The following KLK14 variants were observed in gnomAD, a reference collection of about 807,000 sequenced individuals.
The protein encoded by KLK14 is kallikrein related peptidase 14.
In KLK14, 21 loss-of-function variants were observed where a neutral mutation model predicts 24.6. The ratio of observed to expected loss-of-function variants is 0.85; its 90% CI spans 0.61 to 1.23. KLK14 has a LOEUF of 1.23. Among genes scored for constraint, KLK14 ranks in the 50% most tolerant of loss-of-function variants. The pLI is 0.00. For synonymous variants in KLK14, 133 were observed against 139.7 expected (o/e 0.95, Z 0.34); for missense variants, 320 against 338.9 (o/e 0.94, Z 0.44).
In KLK14 at chr19:51,081,588, G is replaced by A. The variant is rs769513368; in HGVS notation, c.156C>T (p.Cys52=). The part of the protein sequence containing the change: ...LLAGPRRRFL[C]GGALLSGQWV... ...ACTGGCCTGAAAGCAGGGCGCCTCC[G>A]CAGAGGAAGCGGCGCCTGGGACCCG... The change falls in exon 3 of 6, where the codon TGC becomes TGT. Residue 52 remains cysteine, a synonymous_variant. Transcript: ENST00000650543. 10 of 1,549,568 alleles carry A rather than the reference G, an allele frequency of 6.5e-6. No homozygotes were observed. The highest frequency in any genetic ancestry group is 1.4e-5 in the African/African-American group (1 of 72,994).
intron 3 of KLK14, among the ~76,000 whole-genome samples, chr19:51,080,833 C>G (rs1181406913): frequency 6.6e-6 from 1 of 152,202 alleles, no homozygotes; most frequent in Non-Finnish European, 1.5e-5. Flanking sequence ...GCCACCATGC[C>G]TGGCTAATTT....
chr19:51,079,419 C>T (rs929499427), intron 4 of KLK14, 30 bp downstream of exon 4: 8 of 1,580,288 alleles, frequency 5.1e-6, no homozygotes, highest in Non-Finnish European at 6.9e-6. Flanking sequence ...AGGCCCAGTC[C>T]CCTGCTTTCC....
intron 3 of KLK14, among the ~76,000 whole-genome samples, chr19:51,080,483 C>T (rs1379366941): frequency 2.0e-5 from 3 of 152,160 alleles, no homozygotes; most frequent in African/African-American, 7.2e-5. Flanking sequence ...GGTTTGCATT[C>T]TGGCCTTTAT....
chr19:51,083,303 G>C (rs1016780219), upstream of KLK14, among the ~76,000 whole-genome samples: 1 of 150,638 alleles, frequency 6.6e-6, no homozygotes, highest in African/African-American at 2.4e-5. Flanking sequence ...GAGAGAGAGA[G>C]AGAGAGAGAC....
downstream of KLK14, chr19:51,077,544 G>A (rs1308949190): frequency 5.5e-5 from 10 of 182,374 alleles, no homozygotes; most frequent in Non-Finnish European, 4.6e-5. Context: ...GATCAGAGCC[G>A]GAGTAAAGAT....
chr19:51,080,969 G>C (rs901731870), intron 3 of KLK14, among the ~76,000 whole-genome samples: 1 of 152,216 alleles, frequency 6.6e-6, no homozygotes, highest in Non-Finnish European at 1.5e-5. Flanking sequence ...CACCGCACCC[G>C]CCACATTCTG....
upstream of KLK14, among the ~76,000 whole-genome samples, chr19:51,083,484 GA>G (rs1462012127): frequency 1.3e-5 from 2 of 151,922 alleles, no homozygotes; most frequent in African/African-American, 4.8e-5. Context: ...GAGTGACAGA[GA>G]GGGGGAGAGC....
Position 51,078,663 on chromosome 19 carries a change from C to CT in KLK14, c.603+151dup. ...AGTCCATTACCCAGGGGGCACAGGGCTAGGAAGCAGGGTGGCCTGGCTATC... is the reference window on the plus strand; with the variant it reads ...AGTCCATTACCCAGGGGGCACAGGGCTTAGGAAGCAGGGTGGCCTGGCTATC... On this transcript the variant is annotated intron_variant, in intron 5 of 5. Transcript: ENST00000650543. This position sits in a 1 kb window ranked among gnomAD's most constrained non-coding sequence, Gnocchi z 5.0. The CT allele has an allele frequency of 9.8e-7, 1 of 1,019,972 alleles. No homozygotes were observed. Among genetic ancestry groups the CT allele is most frequent in the Non-Finnish European group, 1.4e-6 (1 of 694,996 alleles). 63.2% of individuals were successfully genotyped at this position (1,019,972 alleles called of 1,614,324 possible). A position where few individuals can be genotyped will look rare whatever the true frequency, so the allele number is the denominator to read the frequency against.
chr19:51,079,030 T>TC, intron 4 of KLK14, 79 bp from the exon 5 acceptor site: 1 of 1,538,488 alleles, frequency 6.5e-7, no homozygotes, highest in Non-Finnish European at 8.8e-7. Flanking sequence ...CCCTCCTCCT[T>TC]CCGACCCAGG....
rs553377998 is a variant in KLK14, at chr19:51,082,559, C to A, written c.40+16G>T. 6.2e-7 allele frequency: 1 copy of A among 1,613,266 alleles called. No individual in the cohort carries two copies. The highest frequency in any genetic ancestry group is 8.5e-7 in the Non-Finnish European group (1 of 1,179,854). On this transcript the variant is annotated intron_variant, in intron 2 of 5. Transcript: ENST00000650543. ...TCCAGGGGACCCCCTTGTGTCATAC[C>A]CAACCGTTCTCTTACCTATAGCCAG...
chr19:51,078,746 C>T lies in KLK14; in HGVS notation c.603+69G>A, dbSNP rs1026758623. 3.8e-6 allele frequency: 6 copies of T among 1,577,738 alleles called. No homozygotes were observed. The African/African-American group carries it at 6.7e-5, about 18-fold the overall frequency. ...CTGAAGACCTCTGCAGACTTCCATG[C>T]TCCTGACATCATTTGCTTAAATCCC... On this transcript the variant is annotated intron_variant, in intron 5 of 5. Coordinates refer to ENST00000650543, the MANE Select transcript of KLK14 (RefSeq NM_001369775.2). The surrounding 1 kb of genome is among the most constrained non-coding windows in gnomAD (Gnocchi z 5.0).
At position 51,078,833 on chromosome 19, in the gene KLK14, G is replaced by C. The variant is rs79507858; in HGVS notation, c.585C>G (p.Gly195=). Reference sequence around the variant, plus strand: ...GCCTTACCTGACAAGAGTCCTTCCCGCCCTGGGGAACTCCTGCACAGACCA... The same window carrying C: ...GCCTTACCTGACAAGAGTCCTTCCCCCCCTGGGGAACTCCTGCACAGACCA... The part of the protein sequence containing the change: ...PGMVCAGVPQ[G]GKDSCQGDSG... Residue 195 remains glycine (G), a synonymous_variant, in exon 5 of 6, where the codon GGC becomes GGG. Transcript: ENST00000650543. This position sits in a 1 kb window ranked among gnomAD's most constrained non-coding sequence, Gnocchi z 5.0. 1 of 1,613,730 alleles carries C rather than the reference G, an allele frequency of 6.2e-7. No individual in the cohort carries two copies. The highest frequency in any genetic ancestry group is 2.2e-5 in the East Asian group (1 of 44,886).
At chr19:51,083,418 GAGAGAGCCAGAC>G (rs1227110790), upstream of KLK14, among the ~76,000 whole-genome samples, 1 of 150,958 alleles carries the variant, frequency 6.6e-6, no homozygotes, top group Non-Finnish European at 1.5e-5. Flanking sequence ...GAGAGACAGA[GAGAGAGCCAGAC>G]AGAGAGACAC....
rs548406316 is a variant in KLK14, at chr19:51,078,393, C to G, written c.604-234G>C. On this transcript the variant is annotated intron_variant, in intron 5 of 5. Transcript: ENST00000650543. The surrounding 1 kb of genome is among the most constrained non-coding windows in gnomAD (Gnocchi z 5.0). The stretch of plus-strand genomic sequence containing the variant: ...CACCTGCCTGTCCCTTGAATCTCAC[C>G]AGGCCCCTCTCTGTTCGCTCCAACT... Among the ~76,000 whole-genome samples, 39 of 152,266 alleles carry G rather than the reference C, an allele frequency of 2.6e-4. No homozygotes were observed. Among genetic ancestry groups the G allele is most frequent in the African/African-American group, 9.1e-4 (38 of 41,536 alleles).
Position 51,082,654 on chromosome 19 carries a change from A to G in KLK14, c.-22-18T>C. ...GCCAGGTCCTGTCAAATGCAGAGAA[A>G]AAGTGAGAGAGAAGGAACCTTCAAC... is the stretch of plus-strand genomic sequence containing the variant. On this transcript the variant is annotated intron_variant, in intron 1 of 5. Coordinates refer to ENST00000650543, the MANE Select transcript of KLK14 (RefSeq NM_001369775.2). The G allele has an allele frequency of 1.2e-6, 2 of 1,614,188 alleles. No individual in the cohort carries two copies. Among genetic ancestry groups the G allele is most frequent in the South Asian group, 1.1e-5 (1 of 91,084 alleles).
intron 4 of KLK14, 51 bp from the exon 5 acceptor site, chr19:51,079,002 AG>A: frequency 6.4e-7 from 1 of 1,553,698 alleles, no homozygotes; most frequent in Non-Finnish European, 8.7e-7. Context: ...ATAAGACCCA[AG>A]GGTCCAGGCC....
At position 51,079,439 on chromosome 19, in the gene KLK14, G is replaced by A. The variant is rs1160527080; in HGVS notation, c.466+10C>T. The A allele has an allele frequency of 6.2e-7, 1 of 1,603,546 alleles. No individual in the cohort carries two copies. The highest frequency in any genetic ancestry group is 8.5e-7 in the Non-Finnish European group (1 of 1,173,402). On this transcript the variant is annotated intron_variant, in intron 4 of 5. Coordinates refer to ENST00000650543, the MANE Select transcript of KLK14 (RefSeq NM_001369775.2). ...CAGTCCCCTGCTTTCCAAGACGCAG[G>A]AGTCCTCACCGATGGGGCTGGATAT...
intron 3 of KLK14, among the ~76,000 whole-genome samples, chr19:51,080,814 C>A (rs1418970143): frequency 2.0e-5 from 3 of 152,220 alleles, no homozygotes; most frequent in Non-Finnish European, 2.9e-5. Context: ...GCTGGGATTA[C>A]AGGCATGTGC....
chr19:51,080,067 A>G (rs2091830822), intron 3 of KLK14, among the ~76,000 whole-genome samples: 1 of 152,244 alleles, frequency 6.6e-6, no homozygotes, highest in African/African-American at 2.4e-5. Context: ...ATTCCGGAGT[A>G]GGCACCATTC....
Sources: allele counts gnomAD v4.1 joint callset (sites outside exome capture counted in the v4.1 genomes callset), GRCh38; gene constraint gnomAD v4.1.1; non-coding constraint Gnocchi (gnomAD v3.1); transcripts MANE v1.5; gene names NCBI Gene and HGNC (gene_info 2026-07-23, HGNC 2026-07-21).